KRT83: variants seen among roughly 807,000 people sequenced by gnomAD.
The protein encoded by KRT83 is keratin 83, also known as keratin, type II cuticular Hb3.
A neutral mutation model predicts 52.9 loss-of-function variants in KRT83; 51 were observed. The ratio of observed to expected loss-of-function variants is 0.96; its 90% confidence interval spans 0.77 to 1.22. KRT83 has a LOEUF of 1.22. Among genes scored for constraint, KRT83 ranks in the 50% most tolerant of loss-of-function variants. The pLI is 0.00. For synonymous variants in KRT83, 278 were observed against 274.1 expected, an observed-to-expected ratio of 1.01 and a Z score of -0.14; for missense variants, 654 against 666.5, an observed-to-expected ratio of 0.98 and a Z score of 0.21.
Position 52,315,333 on chromosome 12 carries a change from C to A in KRT83, c.1273G>T (p.Gly425Cys). The A allele has an allele frequency of 1.2e-6, 2 of 1,613,896 alleles. No homozygotes were observed. Among genetic ancestry groups the A allele is most frequent in the South Asian group, 2.2e-5 (2 of 91,062 alleles). Residue 425 changes from glycine (G) to cysteine (C), a missense_variant, in exon 8 of 9, where the codon GGT becomes TGT. Coordinates refer to ENST00000293670, the MANE Select transcript of KRT83 (RefSeq NM_002282.3). ...TTACAGACATTCACAGCTTCAACACCTTCACACAGCCTGAGTGGGGAAAAA... is the reference window on the plus strand; with the variant it reads ...TTACAGACATTCACAGCTTCAACACATTCACACAGCCTGAGTGGGGAAAAA... The part of the protein sequence containing the change: ...LEGEEQRLCE[G>C]VEAVNVCVSS...
intron 6 of KRT83, 26 bp downstream of exon 6, chr12:52,316,442 C>G: frequency 2.5e-6 from 4 of 1,614,024 alleles, no homozygotes; most frequent in Non-Finnish European, 3.4e-6. Flanking sequence ...TCTTCCTACA[C>G]TGAGGGGTGG....
At chr12:52,316,679 G>C in intron 5 of KRT83, 86 bp from the exon 6 acceptor site, 1 of 1,602,482 alleles carries the variant, frequency 6.2e-7, no homozygotes, top group Non-Finnish European at 8.5e-7. Context: ...AGATTGTGCA[G>C]TGCTCGGCCT....
intron 2 of KRT83, among the ~76,000 whole-genome samples, chr12:52,318,898 A>G (rs1211900957): frequency 6.6e-6 from 1 of 152,200 alleles, no homozygotes; most frequent in Non-Finnish European, 1.5e-5. Context: ...TCTGGTCTCA[A>G]AGGGACCCAG....
In KRT83 at chr12:52,316,946, C is replaced by T. The variant is rs200274404; in HGVS notation, c.828G>A (p.Met276Ile). 233 of 1,614,060 alleles carry T rather than the reference C, an allele frequency of 1.4e-4. 1 individual carries two copies. In the Middle Eastern group the frequency reaches 3.3e-3, roughly 23 times the overall value. ...VKLDNSRDLN[M>I]DCIVAEIKAQ... The stretch of plus-strand genomic sequence containing the variant: ...CCTTGATCTCGGCAACGATGCAGTC[C>T]ATGTTCAGGTCCCGGCTGTTGTCCA... The change falls in exon 5 of 9, where the codon ATG (methionine) becomes ATA (isoleucine). Residue 276 changes from methionine to isoleucine, a missense_variant. Physicochemically the swap from Met to Ile is conservative, Grantham distance 10. Transcript: ENST00000293670.
In KRT83 at chr12:52,314,832, G is replaced by C. The variant is rs1157893971; in HGVS notation, c.1295-14C>G. 2 of 1,596,838 alleles carry C rather than the reference G, an allele frequency of 1.3e-6. No homozygotes were observed. The highest frequency in any genetic ancestry group is 3.4e-5 in the Admixed American group (2 of 58,182). ...AGCTGCTGACACCTGTGGGAACAAG[G>C]GCAGGGTCAAGAGACCCCTGCTGAT... is the stretch of plus-strand genomic sequence containing the variant. On this transcript the variant is annotated splice_polypyrimidine_tract_variant and intron_variant, in intron 8 of 8. Coordinates refer to ENST00000293670, the MANE Select transcript of KRT83 (RefSeq NM_002282.3).
chr12:52,318,904 C>A (rs1938727888), intron 2 of KRT83, among the ~76,000 whole-genome samples: 1 of 152,054 alleles, frequency 6.6e-6, no homozygotes, highest in Non-Finnish European at 1.5e-5. Context: ...CTCAAAGGGA[C>A]CCAGGAATAC....
At position 52,316,553 on chromosome 12, in the gene KRT83, G is replaced by T. The variant is rs1475110253; in HGVS notation, c.956C>A (p.Thr319Asn). Residue 319 changes from threonine to asparagine, a missense_variant, in exon 6 of 9, where the codon ACC (threonine) becomes AAC (asparagine). Physicochemically the swap from Thr to Asn is moderately conservative, Grantham distance 65. Coordinates refer to ENST00000293670, the MANE Select transcript of KRT83 (RefSeq NM_002282.3). ...MKATVIRHGE[T>N]LRRTKEEINE... ...GATCTCCTCCTTGGTGCGGCGCAGG[G>T]TCTCCCCGTGCCTGATCACTGTGGC... is the stretch of plus-strand genomic sequence containing the variant. 3.1e-6 allele frequency: 5 copies of T among 1,614,130 alleles called. No homozygotes were observed. The highest frequency in any genetic ancestry group is 4.2e-6 in the Non-Finnish European group (5 of 1,180,034).
intron 7 of KRT83, among the ~76,000 whole-genome samples, 155 bp downstream of exon 7, chr12:52,315,738 G>C (rs193043725): frequency 6.6e-6 from 1 of 152,348 alleles, no homozygotes; most frequent in East Asian, 1.9e-4. Context: ...GGCAGGGTAT[G>C]GATCTTGGAA....
At position 52,314,715 on chromosome 12, in the gene KRT83, CA is replaced by C. The variant is rs1462503158; in HGVS notation, c.1397del (p.Leu466ArgfsTer3). 9.4e-6 allele frequency: 15 copies of C among 1,587,458 alleles called. No homozygotes were observed. The highest frequency in any genetic ancestry group is 1.8e-5 in the Admixed American group (1 of 56,490). On this transcript the variant is annotated frameshift_variant, in exon 9 of 9. Transcript: ENST00000293670. LOFTEE classifies it high-confidence loss of function. ...GCTTGCACAAACCAGTGCTCACCAC[CA>C]GGTTCCCGTTGCAGGGGGCACTGCA... ...SVCSAPCNGN[L>X]VVSTGLCKPC...
rs1938655583 is a variant in KRT83, at chr12:52,314,585, A to G, written c.*46T>C. On this transcript the variant is annotated 3_prime_UTR_variant, in exon 9 of 9. Transcript: ENST00000293670. ...TTTCAGCTGGTGGTGGGGCAGTGGCACGTCTGGCAGGCAGAAGGGGCTCCC... is the reference window on the plus strand; with the variant it reads ...TTTCAGCTGGTGGTGGGGCAGTGGCGCGTCTGGCAGGCAGAAGGGGCTCCC... The G allele has an allele frequency of 6.6e-7, 1 of 1,520,432 alleles. No individual in the cohort carries two copies. The highest frequency in any genetic ancestry group is 1.4e-5 in the African/African-American group (1 of 72,388). 94.2% of individuals were successfully genotyped at this position (1,520,432 alleles called of 1,614,324 possible).
rs773672477 is a variant in KRT83 at position 52,314,710 on chromosome 12, A to G, written c.1403T>C (p.Val468Ala). 6.3e-7 allele frequency: 1 copy of G among 1,586,462 alleles called. No individual in the cohort carries two copies. ...CSAPCNGNLV[V>A]STGLCKPCGQ... ...ACAGGGCTTGCACAAACCAGTGCTC[A>G]CCACCAGGTTCCCGTTGCAGGGGGC... is the stretch of plus-strand genomic sequence containing the variant. The change falls in exon 9 of 9, where the codon GTG becomes GCG. Residue 468 changes from valine to alanine, a missense_variant. Physicochemically the swap from Val to Ala is moderately conservative, Grantham distance 64. Coordinates refer to ENST00000293670, the MANE Select transcript of KRT83 (RefSeq NM_002282.3).
Position 52,316,879 on chromosome 12 carries a change from C to T in KRT83, c.895G>A (p.Glu299Lys), listed in dbSNP as rs201760909. Residue 299 changes from glutamate to lysine, a missense_variant, in exon 5 of 9, where the codon GAG becomes AAG. By Grantham distance (56) the Glu-to-Lys change is moderately conservative. Coordinates refer to ENST00000293670, the MANE Select transcript of KRT83 (RefSeq NM_002282.3). ...CTCACCTTGCTGCGATACCAGGACT[C>T]GGCCTCAGCCCGGCTACGGGTGGCA... Reference protein sequence around the residue: ...DIATRSRAEAESWYRSKCEEM... With the variant: ...DIATRSRAEAKSWYRSKCEEM... 29 of 1,614,150 alleles carry T rather than the reference C, an allele frequency of 1.8e-5. No individual in the cohort carries two copies. The highest frequency in any genetic ancestry group is 7.7e-5 in the South Asian group (7 of 91,074).
At chr12:52,319,497 C>G in intron 1 of KRT83, 133 bp from the exon 2 acceptor site, 3 of 1,320,952 alleles carry the variant, frequency 2.3e-6, no homozygotes, top group South Asian at 1.3e-5. Context: ...TATGTCATCT[C>G]TCTCAAAAAT....
chr12:52,316,245 C>A (rs1479889460), intron 6 of KRT83, 132 bp from the exon 7 acceptor site: 4 of 1,130,396 alleles, frequency 3.5e-6, no homozygotes, highest in South Asian at 1.5e-5. Context: ...AACCTTCCTT[C>A]CCTCCTCACT....
chr12:52,315,269 G>C (rs1207165214), intron 8 of KRT83, 43 bp downstream of exon 8: 2 of 1,595,278 alleles, frequency 1.3e-6, no homozygotes, highest in Non-Finnish European at 1.7e-6. Context: ...GAAGTCCTTT[G>C]TCCCCAGTCT....
At chr12:52,319,565 C>G (rs987885011) in intron 1 of KRT83, among the ~76,000 whole-genome samples, 19 of 152,238 alleles carry the variant, frequency 1.2e-4, no homozygotes, top group Admixed American at 1.3e-4. Flanking sequence ...TTAATCTCTT[C>G]TAAGTCAGTT....
Position 52,317,902 on chromosome 12 carries a change from T to C in KRT83, c.654+8A>G. ...GGGCGGGCTCAGGGCCAGCTGGGCT[T>C]CACTCACCTTCTTTAGAGCCACAAA... On this transcript the variant is annotated splice_region_variant and intron_variant, in intron 3 of 8. Coordinates refer to ENST00000293670, the MANE Select transcript of KRT83 (RefSeq NM_002282.3). 1.2e-6 allele frequency: 2 copies of C among 1,614,134 alleles called. No homozygotes were observed. Among genetic ancestry groups the C allele is most frequent in the Non-Finnish European group, 1.7e-6 (2 of 1,179,984 alleles).
Sources: allele counts gnomAD v4.1 joint callset (sites outside exome capture counted in the v4.1 genomes callset), GRCh38; gene constraint gnomAD v4.1.1; transcripts MANE v1.5; gene names NCBI Gene and HGNC (gene_info 2026-07-23, HGNC 2026-07-21).